Variants in CSMD1 observed in about 807,000 individuals in gnomAD.
The protein encoded by CSMD1 is CUB and Sushi multiple domains 1.
A neutral mutation model predicts 417.5 loss-of-function variants in CSMD1; 213 were observed. The observed-to-expected ratio is 0.51, with a 90% CI of 0.46 to 0.57. The LOEUF (loss-of-function observed/expected upper bound fraction) is 0.57, where lower values mean the gene tolerates loss of function less well. Ranked by LOEUF, CSMD1 falls within the 20% of genes least tolerant of loss-of-function variation. The pLI, the probability that CSMD1 is intolerant of heterozygous loss-of-function variation, is 0.00. For missense variants in CSMD1, 6,923 were observed against 4,529.7 expected, an observed-to-expected ratio of 1.53 and a Z score of -15.17; for synonymous variants, 2,862 against 1,736.8, an observed-to-expected ratio of 1.65 and a Z score of -16.11.
intron 2 of CSMD1, among the ~76,000 whole-genome samples, chr8:4,583,799 G>A (rs1336059195): frequency 6.6e-6 from 1 of 152,114 alleles, no homozygotes; most frequent in African/African-American, 2.4e-5. Context: ...GAGAATAAAA[G>A]CAGGCTGCCC....
intron 49 of CSMD1, among the ~76,000 whole-genome samples, chr8:3,084,521 T>C (rs1403601221): frequency 1.9e-5 from 1 of 52,378 alleles, no homozygotes; most frequent in Non-Finnish European, 4.1e-5. Flanking sequence ...CAAAACTCCG[T>C]CTCAAAAAAA....
intron 48 of CSMD1, among the ~76,000 whole-genome samples, chr8:3,088,836 G>C (rs1814720880): frequency 9.0e-6 from 1 of 111,620 alleles, no homozygotes; most frequent in Non-Finnish European, 1.8e-5. Context: ...TGGAATCACT[G>C]TGCTAGTAAA....
chr8:3,997,052 T>A (rs182353550), intron 5 of CSMD1, among the ~76,000 whole-genome samples: 2 of 152,324 alleles, frequency 1.3e-5, no homozygotes, highest in Non-Finnish European at 2.9e-5. Flanking sequence ...TGTGTCTACC[T>A]GAGTTTCAAC....
At chr8:4,004,125 T>C (rs1329731063) in intron 4 of CSMD1, among the ~76,000 whole-genome samples, 1 of 152,108 alleles carries the variant, frequency 6.6e-6, no homozygotes. Context: ...CATATGTATA[T>C]TTCAAGTTAA....
At chr8:4,155,600 T>C (rs1039694992) in intron 3 of CSMD1, among the ~76,000 whole-genome samples, 5 of 152,198 alleles carry the variant, frequency 3.3e-5, no homozygotes, top group African/African-American at 9.7e-5. Context: ...TTTTTTCAGA[T>C]AGAGACAAGG....
intron 5 of CSMD1, among the ~76,000 whole-genome samples, chr8:3,925,790 T>C (rs762815654): frequency 2.6e-5 from 4 of 152,118 alleles, no homozygotes; most frequent in Non-Finnish European, 5.9e-5. Context: ...TATTCCCAGT[T>C]TTGGGTATGT....
chr8:3,630,901 T>C (rs1563215183), intron 7 of CSMD1, among the ~76,000 whole-genome samples: 1 of 152,154 alleles, frequency 6.6e-6, no homozygotes, highest in Admixed American at 6.5e-5. Flanking sequence ...GTGTCTGGAT[T>C]AGAGAGCCGA....
intron 23 of CSMD1, among the ~76,000 whole-genome samples, chr8:3,312,417 C>T (rs75642589): frequency 6.6e-6 from 1 of 152,142 alleles, no homozygotes; most frequent in Non-Finnish European, 1.5e-5. Context: ...TAACTTAAAG[C>T]CTCTAGGCTT....
intron 1 of CSMD1, among the ~76,000 whole-genome samples, chr8:4,896,481 T>C (rs1048741862): frequency 6.6e-6 from 1 of 152,104 alleles, no homozygotes; most frequent in African/African-American, 2.4e-5. Flanking sequence ...AAACTGAAAC[T>C]CTGTCTCTAA....
chr8:4,857,403 A>G (rs1801867196), intron 1 of CSMD1, among the ~76,000 whole-genome samples: 1 of 152,148 alleles, frequency 6.6e-6, no homozygotes, highest in Non-Finnish European at 1.5e-5. Flanking sequence ...AGAAGGCAAG[A>G]AATAACTAAA....
At chr8:3,202,820 C>G (rs1238162000) in intron 31 of CSMD1, among the ~76,000 whole-genome samples, 1 of 152,112 alleles carries the variant, frequency 6.6e-6, no homozygotes, top group African/African-American at 2.4e-5. Context: ...ACACACATAT[C>G]TAATATAACT....
chr8:4,688,202 G>C (rs897869181), intron 1 of CSMD1, among the ~76,000 whole-genome samples: 1 of 152,026 alleles, frequency 6.6e-6, no homozygotes, highest in Non-Finnish European at 1.5e-5. Flanking sequence ...AAGATTCTTT[G>C]GGTTTTAAAT....
At chr8:4,191,404 CA>C (rs1351592935) in intron 3 of CSMD1, among the ~76,000 whole-genome samples, 1 of 149,158 alleles carries the variant, frequency 6.7e-6, no homozygotes, top group East Asian at 1.9e-4. Flanking sequence ...TCAGAAAAAA[CA>C]AAAAACAAAA....
intron 40 of CSMD1, among the ~76,000 whole-genome samples, chr8:3,147,437 G>A (rs1818911126): frequency 6.6e-6 from 1 of 152,144 alleles, no homozygotes; most frequent in Non-Finnish European, 1.5e-5. Context: ...CTATAAATTG[G>A]AGAAACGCTT....
chr8:3,924,895 T>C (rs1280737358), intron 5 of CSMD1, among the ~76,000 whole-genome samples: 2 of 152,200 alleles, frequency 1.3e-5, no homozygotes, highest in African/African-American at 4.8e-5. Flanking sequence ...GTGCTTTGTT[T>C]TGCTATTTTG....
chr8:3,880,722 C>T (rs539796961), intron 5 of CSMD1, among the ~76,000 whole-genome samples: 14 of 152,098 alleles, frequency 9.2e-5, no homozygotes, highest in African/African-American at 2.7e-4. Context: ...CTTAAATAAG[C>T]AAAATATATT....
chr8:3,556,449 G>A (rs1399455389), intron 10 of CSMD1, among the ~76,000 whole-genome samples: 1 of 124,050 alleles, frequency 8.1e-6, no homozygotes, highest in Non-Finnish European at 1.7e-5. Context: ...GGATCCTGTG[G>A]GTTGAGATAA....
intron 5 of CSMD1, among the ~76,000 whole-genome samples, chr8:3,839,259 T>TTA (rs1176226761): frequency 1.6e-5 from 2 of 124,832 alleles, no homozygotes; most frequent in East Asian, 4.4e-4. Flanking sequence ...TATATATTAC[T>TTA]TATATATACT....
intron 3 of CSMD1, among the ~76,000 whole-genome samples, chr8:4,342,832 G>A (rs1342936677): frequency 6.6e-6 from 1 of 152,092 alleles, no homozygotes; most frequent in Admixed American, 6.6e-5. Context: ...CAAAGAAAAA[G>A]CAGGAAGTGA....
Sources: gnomAD v4.1 joint callset for allele counts (sites outside exome capture counted in the v4.1 genomes callset) on GRCh38, gnomAD v4.1.1 for gene constraint, MANE v1.5 for transcripts, NCBI Gene and HGNC (gene_info 2026-07-23, HGNC 2026-07-21) for gene names.